Variants in ANAPC5 observed in about 807,000 individuals in gnomAD.
ANAPC5 encodes the protein anaphase promoting complex subunit 5.
A neutral mutation model predicts 91.3 loss-of-function variants in ANAPC5; 60 were observed. The ratio of observed to expected loss-of-function variants is 0.66; its 90% confidence interval spans 0.53 to 0.81. The LOEUF (loss-of-function observed/expected upper bound fraction) is 0.81. ANAPC5 is among the 40% of genes least tolerant of loss of function. The pLI is 0.00. For synonymous variants in ANAPC5, 340 were observed against 364.1 expected (o/e 0.93, Z 0.75); for missense variants, 690 against 931.5 (o/e 0.74, Z 3.37).
At chr12:121,317,168 A>G (rs534121650) in intron 15 of ANAPC5, among the ~76,000 whole-genome samples, 6 of 152,256 alleles carry the variant, frequency 3.9e-5, no homozygotes, top group African/African-American at 1.4e-4. Context: ...GATAGCAGTA[A>G]TGGTTGCACA....
intron 1 of ANAPC5, among the ~76,000 whole-genome samples, chr12:121,350,071 G>C (rs1336378588): frequency 6.6e-6 from 1 of 152,024 alleles, no homozygotes; most frequent in African/African-American, 2.4e-5. Context: ...TATAGTAATA[G>C]CAGACGTGGC....
intron 11 of ANAPC5, 95 bp from the exon 12 acceptor site, chr12:121,320,554 T>C: frequency 1.0e-6 from 1 of 998,826 alleles, no homozygotes; most frequent in Non-Finnish European, 1.5e-6. Context: ...CCTGTTCCCG[T>C]TCTTGATGCA....
At chr12:121,324,396 A>G (rs1294461729) in intron 11 of ANAPC5, among the ~76,000 whole-genome samples, 6 of 152,154 alleles carry the variant, frequency 3.9e-5, no homozygotes, top group African/African-American at 1.2e-4. Flanking sequence ...TGTGTACTAA[A>G]AGGCTTCCTA....
intron 15 of ANAPC5, chr12:121,318,007 T>C: frequency 3.5e-6 from 1 of 288,462 alleles, no homozygotes; most frequent in Non-Finnish European, 6.4e-6. Context: ...AGCTAATCAT[T>C]AATATGATGC....
At chr12:121,341,459 C>T (rs970710563) in intron 5 of ANAPC5, among the ~76,000 whole-genome samples, 22 of 151,950 alleles carry the variant, frequency 1.4e-4, no homozygotes, top group Admixed American at 1.1e-3. Context: ...AATGCTCTAG[C>T]CTGGGCAACA....
At chr12:121,353,325 C>T (rs1903976955), upstream of ANAPC5, among the ~76,000 whole-genome samples, 3 of 152,192 alleles carry the variant, frequency 2.0e-5, no homozygotes, top group Admixed American at 2.0e-4. Flanking sequence ...TCTCTATACC[C>T]TGAATTATTA....
At chr12:121,316,800 G>A (rs1902386836) in intron 15 of ANAPC5, among the ~76,000 whole-genome samples, 2 of 149,120 alleles carry the variant, frequency 1.3e-5, no homozygotes, top group Non-Finnish European at 3.0e-5. Flanking sequence ...AATGTAAAGA[G>A]CCGCTATTCA....
At chr12:121,321,809 ATT>A (rs1902620603) in intron 11 of ANAPC5, among the ~76,000 whole-genome samples, 1 of 151,718 alleles carries the variant, frequency 6.6e-6, no homozygotes, top group Non-Finnish European at 1.5e-5. Flanking sequence ...AAGTGCTGGG[ATT>A]ACAGGCATGA....
At chr12:121,323,810 G>A (rs955913438) in intron 11 of ANAPC5, among the ~76,000 whole-genome samples, 4 of 152,106 alleles carry the variant, frequency 2.6e-5, no homozygotes, top group East Asian at 1.9e-4. Flanking sequence ...GATTTTAACT[G>A]GCCAGTCTCA....
At chr12:121,322,007 A>C (rs1437025610) in intron 11 of ANAPC5, among the ~76,000 whole-genome samples, 1 of 151,896 alleles carries the variant, frequency 6.6e-6, no homozygotes, top group East Asian at 1.9e-4. Context: ...CTGGGATTAC[A>C]GGTGCATGCC....
intron 14 of ANAPC5, 38 bp downstream of exon 14, chr12:121,318,463 C>T (rs756062832): frequency 3.1e-6 from 5 of 1,611,862 alleles, no homozygotes; most frequent in Admixed American, 1.7e-5. Context: ...AGAAGATCCA[C>T]CACCACATCT....
At chr12:121,343,572 C>T (rs1268275888) in intron 4 of ANAPC5, among the ~76,000 whole-genome samples, 2 of 152,188 alleles carry the variant, frequency 1.3e-5, no homozygotes, top group African/African-American at 4.8e-5. Context: ...TGTCTTTCCA[C>T]CAGACAAGAA....
intron 5 of ANAPC5, among the ~76,000 whole-genome samples, chr12:121,340,119 C>G (rs1421698284): frequency 1.3e-5 from 2 of 151,732 alleles, no homozygotes; most frequent in Non-Finnish European, 2.9e-5. Context: ...GTGTTTGAGA[C>G]CAGCCTGCCC....
chr12:121,315,511 C>T (rs1323815655), intron 15 of ANAPC5, among the ~76,000 whole-genome samples: 1 of 152,232 alleles, frequency 6.6e-6, no homozygotes, highest in Non-Finnish European at 1.5e-5. Context: ...AAGACTCCCA[C>T]TTCCTGATTT....
chr12:121,318,268 T>C lies in ANAPC5; in HGVS notation c.1893+9A>G. The C allele has an allele frequency of 6.6e-7, 1 of 1,513,628 alleles. No homozygotes were observed. Among genetic ancestry groups the C allele is most frequent in the Non-Finnish European group, 8.8e-7 (1 of 1,131,310 alleles). 93.8% of individuals were successfully genotyped at this position (1,513,628 alleles called of 1,614,324 possible). On this transcript the variant is annotated intron_variant, in intron 15 of 16. Transcript: ENST00000261819. ...CAAATATGTGCTATAAAAACAGAGA[T>C]CGGCTTACCTGCGCAAAAGCCAAGT...
intron 11 of ANAPC5, among the ~76,000 whole-genome samples, chr12:121,325,242 C>A (rs1224464731): frequency 2.6e-5 from 4 of 152,194 alleles, no homozygotes; most frequent in African/African-American, 9.6e-5. Context: ...GCAGGTGGAT[C>A]ATTTGAGGTC....
chr12:121,335,402 G>A (rs1466585676), intron 7 of ANAPC5, 131 bp downstream of exon 7: 24 of 990,058 alleles, frequency 2.4e-5, no homozygotes, highest in Non-Finnish European at 3.5e-5. Flanking sequence ...CTGACCTCAC[G>A]TGATCCACCC....
upstream of ANAPC5, chr12:121,352,442 T>G (rs565004371): frequency 2.0e-4 from 187 of 951,466 alleles, 2 homozygotes; most frequent in South Asian, 2.6e-3. Flanking sequence ...CCTCACAATA[T>G]CCCAGGAAAC....
intron 6 of ANAPC5, 72 bp from the exon 7 acceptor site, chr12:121,335,795 C>G: frequency 7.7e-7 from 1 of 1,291,382 alleles, no homozygotes; most frequent in Non-Finnish European, 1.1e-6. Flanking sequence ...GCAGAGAGTT[C>G]CACTGTCTAC....
Sources: gnomAD v4.1 joint callset for allele counts (sites outside exome capture counted in the v4.1 genomes callset) on GRCh38, gnomAD v4.1.1 for gene constraint, MANE v1.5 for transcripts, NCBI Gene and HGNC (gene_info 2026-07-23, HGNC 2026-07-21) for gene names.